FKBP4: variants seen among roughly 807,000 people sequenced by gnomAD.
FKBP4 encodes the protein peptidyl-prolyl cis-trans isomerase FKBP4.
In FKBP4, 28 loss-of-function variants were observed where a neutral mutation model predicts 54.1. That is an observed-to-expected ratio of 0.52 (90% confidence interval 0.38 to 0.71). The LOEUF is 0.71. Ranked by LOEUF, FKBP4 falls within the 30% of genes least tolerant of loss-of-function variation. FKBP4 has a pLI of 0.00. For synonymous variants in FKBP4, 223 were observed against 216.1 expected (o/e 1.03, Z -0.28); for missense variants, 493 against 574.4 (o/e 0.86, Z 1.45).
chr12:2,803,015 A>G, intron 9 of FKBP4, 136 bp from the exon 10 acceptor site: 1 of 634,862 alleles, frequency 1.6e-6, no homozygotes, highest in Non-Finnish European at 2.8e-6. Flanking sequence ...GGCATAAGCC[A>G]CCAGGCTTGG....
At position 2,805,088 on chromosome 12, in the gene FKBP4, C is replaced by G; in HGVS notation, c.*1830C>G. 2.2e-6 allele frequency: 1 copy of G among 449,940 alleles called. No homozygotes were observed. The highest frequency in any genetic ancestry group is 4.5e-6 in the Non-Finnish European group (1 of 223,892). 27.9% of individuals were successfully genotyped at this position (449,940 alleles called of 1,614,324 possible). Reference sequence around the variant, plus strand: ...TTTATGGAGTAAGCCTAGCACTGTACTGACAGCATCACATGAGTGAAACTG... The same window carrying G: ...TTTATGGAGTAAGCCTAGCACTGTAGTGACAGCATCACATGAGTGAAACTG... On this transcript the variant is annotated 3_prime_UTR_variant, in exon 10 of 10. Transcript: ENST00000001008.
At chr12:2,796,269 T>A in intron 1 of FKBP4, 1 of 1,289,252 alleles carries the variant, frequency 7.8e-7, no homozygotes, top group Non-Finnish European at 1.0e-6. Context: ...CACCAGATTA[T>A]TGGGGACCTC....
chr12:2,801,460 G>C (rs1196774515), intron 9 of FKBP4, 104 bp downstream of exon 9: 2 of 1,535,378 alleles, frequency 1.3e-6, no homozygotes, highest in Non-Finnish European at 1.8e-6. Context: ...CCGGAAACCA[G>C]AAGTTGCCTT....
In FKBP4 at chr12:2,804,912, CTT is replaced by C. The variant is rs1565399507; in HGVS notation, c.*1659_*1660del. The C allele has an allele frequency of 9.0e-6, 2 of 222,344 alleles. No individual in the cohort carries two copies. Among genetic ancestry groups the C allele is most frequent in the Admixed American group, 5.9e-5 (1 of 17,016 alleles). The allele number at this position is 222,344 out of a possible 1,614,324, so 13.8% of individuals were successfully genotyped here. A position where few individuals can be genotyped will look rare whatever the true frequency, so the allele number is the denominator to read the frequency against. On this transcript the variant is annotated 3_prime_UTR_variant, in exon 10 of 10. Coordinates refer to ENST00000001008, the MANE Select transcript of FKBP4 (RefSeq NM_002014.4). The stretch of plus-strand genomic sequence containing the variant: ...CCTGGGCAAGAGAGTGAGACCATCT[CTT>C]TTTTAAAAAAGTCCCTGTGTAACTG...
Position 2,795,874 on chromosome 12 carries a change from C to T in FKBP4, c.105+630C>T. The T allele has an allele frequency of 1.2e-6, 1 of 866,244 alleles. No individual in the cohort carries two copies. The highest frequency in any genetic ancestry group is 1.4e-6 in the Non-Finnish European group (1 of 719,806). 53.7% of individuals were successfully genotyped at this position (866,244 alleles called of 1,614,324 possible). On this transcript the variant is annotated intron_variant, in intron 1 of 9. Coordinates refer to ENST00000001008, the MANE Select transcript of FKBP4 (RefSeq NM_002014.4). The surrounding 1 kb of genome is among the most constrained non-coding windows in gnomAD (Gnocchi z 4.3). ...GAGGTCCCCACTCGCCGCGCGGCGC[C>T]CCCTCCCTCGGCCCCGGGGAGGCCG...
intron 4 of FKBP4, 84 bp from the exon 5 acceptor site, chr12:2,799,004 G>C (rs2097903360): frequency 6.9e-7 from 1 of 1,449,364 alleles, no homozygotes; most frequent in African/African-American, 1.4e-5. Context: ...GGGATGATGG[G>C]GGTGATGCAG....
Position 2,799,224 on chromosome 12 carries a change from C to T in FKBP4, c.651C>T (p.Ser217=), listed in dbSNP as rs1469525139. Residue 217 remains serine, a synonymous_variant, in exon 5 of 10, where the codon TCC becomes TCT. Transcript: ENST00000001008. The part of the protein sequence containing the change: ...AIQRMEKGEH[S]IVYLKPSYAF... ...AGCGCATGGAGAAAGGAGAACATTC[C>T]ATCGTGTACCTCAAGCCCAGGTGAG... The T allele has an allele frequency of 6.5e-7, 1 of 1,532,540 alleles. No individual in the cohort carries two copies. The highest frequency in any genetic ancestry group is 1.4e-5 in the African/African-American group (1 of 72,190). The allele number at this position is 1,532,540 out of a possible 1,614,324, so 94.9% of individuals were successfully genotyped here.
At position 2,795,615 on chromosome 12, in the gene FKBP4, G is replaced by A. The variant is rs1343629634; in HGVS notation, c.105+371G>A. The stretch of plus-strand genomic sequence containing the variant: ...GCACCCGAGCCGCAGCCCGGGGCCA[G>A]GCCGGGCCTCCCACGCCACGCCGCC... On this transcript the variant is annotated intron_variant, in intron 1 of 9. Coordinates refer to ENST00000001008, the MANE Select transcript of FKBP4 (RefSeq NM_002014.4). The surrounding 1 kb of genome is among the most constrained non-coding windows in gnomAD (Gnocchi z 4.3). The A allele has an allele frequency of 6.8e-6, 1 of 147,668 alleles. No homozygotes were observed. The highest frequency in any genetic ancestry group is 2.4e-5 in the African/African-American group (1 of 40,856). 9.1% of individuals were successfully genotyped at this position (147,668 alleles called of 1,614,324 possible). A position where few individuals can be genotyped will look rare whatever the true frequency, so the allele number is the denominator to read the frequency against.
chr12:2,801,944 C>A, intron 9 of FKBP4: 1 of 141,266 alleles, frequency 7.1e-6, no homozygotes, highest in South Asian at 1.7e-4. Flanking sequence ...CCTCCCTTTC[C>A]CCTAACACAG....
At chr12:2,801,091 T>C in intron 8 of FKBP4, 26 bp from the exon 9 acceptor site, 2 of 1,611,720 alleles carry the variant, frequency 1.2e-6, no homozygotes, top group Non-Finnish European at 1.7e-6. Flanking sequence ...GCTCCCACAA[T>C]GTGGCTTCCT....
chr12:2,803,094 A>G (rs2097905736), intron 9 of FKBP4, 57 bp from the exon 10 acceptor site: 2 of 1,206,358 alleles, frequency 1.7e-6, no homozygotes, highest in Non-Finnish European at 2.4e-6. Flanking sequence ...GCTGGAAATT[A>G]AGTGTGTGTT....
intron 4 of FKBP4, 52 bp from the exon 5 acceptor site, chr12:2,799,036 T>C: frequency 6.6e-7 from 1 of 1,516,608 alleles, no homozygotes; most frequent in South Asian, 1.3e-5. Flanking sequence ...GCATCCTTCC[T>C]CAGTCACCTG....
chr12:2,796,277 C>T (rs1193391685), intron 1 of FKBP4: 4 of 1,289,120 alleles, frequency 3.1e-6, no homozygotes, highest in Middle Eastern at 2.1e-4. Context: ...TATTGGGGAC[C>T]TCAAGCGTCT....
Position 2,800,059 on chromosome 12 carries a change from G to A in FKBP4, c.783G>A (p.Met261Ile), listed in dbSNP as rs1411950939. The change falls in exon 7 of 10, where the codon ATG becomes ATA. Residue 261 changes from methionine to isoleucine, a missense_variant. By Grantham distance (10) the Met-to-Ile change is conservative (BLOSUM62 1). Coordinates refer to ENST00000001008, the MANE Select transcript of FKBP4 (RefSeq NM_002014.4). Reference protein sequence around the residue: ...SFEKAKESWEMNSEEKLEQST... With the variant: ...SFEKAKESWEINSEEKLEQST... ...GGCAGGCCAAGGAGTCTTGGGAGAT[G>A]AATTCAGAAGAGAAGCTGGAACAGA... is the stretch of plus-strand genomic sequence containing the variant. The A allele has an allele frequency of 6.2e-7, 1 of 1,614,160 alleles. No homozygotes were observed. Among genetic ancestry groups the A allele is most frequent in the South Asian group, 1.1e-5 (1 of 91,072 alleles).
At position 2,794,986 on chromosome 12, in the gene FKBP4, C is replaced by T. The variant is rs1420658841; in HGVS notation, c.-154C>T. On this transcript the variant is annotated 5_prime_UTR_variant, in exon 1 of 10. Coordinates refer to ENST00000001008, the MANE Select transcript of FKBP4 (RefSeq NM_002014.4). ...CCTGACCCACCTACCCCAGCTCTCG[C>T]GCCGCGTGCAGAGGTGCTCAAGCCT... The T allele has an allele frequency of 2.9e-5, 10 of 347,594 alleles. No homozygotes were observed. Among genetic ancestry groups the T allele is most frequent in the Admixed American group, 1.5e-4 (3 of 20,244 alleles). The allele number at this position is 347,594 out of a possible 1,614,324, so 21.5% of individuals were successfully genotyped here. A position where few individuals can be genotyped will look rare whatever the true frequency, so the allele number is the denominator to read the frequency against.
rs1392403793 is a variant in FKBP4, at chr12:2,798,382, C to G, written c.394-324C>G. On this transcript the variant is annotated intron_variant, in intron 3 of 9. Transcript: ENST00000001008. This position sits in a 1 kb window ranked among gnomAD's most constrained non-coding sequence, Gnocchi z 4.3. ...GATGTTGGGTAATCATTTCTAATAC[C>G]TACCAGGTTGGGCTTATCAGGTAGT... 1.3e-5 allele frequency among the ~76,000 whole-genome samples: 2 copies of G among 152,186 alleles called. No individual in the cohort carries two copies. The highest frequency in any genetic ancestry group is 1.3e-4 in the Admixed American group (2 of 15,282).
intron 9 of FKBP4, among the ~76,000 whole-genome samples, chr12:2,802,521 A>G (rs1389101229): frequency 6.6e-6 from 1 of 152,220 alleles, no homozygotes; most frequent in East Asian, 1.9e-4. Flanking sequence ...TAACCATGTT[A>G]AAAAGGTGAA....
At position 2,797,181 on chromosome 12, in the gene FKBP4, G is replaced by A; in HGVS notation, c.149G>A (p.Gly50Glu). The change falls in exon 2 of 10, where the codon GGG (glycine) becomes GAG (glutamate). Residue 50 changes from glycine (G) to glutamate (E), a missense_variant. Gly to Glu is a moderately conservative substitution (Grantham distance 98). Transcript: ENST00000001008. ...EGTGTEMPMI[G>E]DRVFVHYTGW... is the part of the protein sequence containing the mutation. ...ACAGGTACAGAGATGCCCATGATTG[G>A]GGACCGAGTCTTTGTCCACTACACT... 6.2e-7 allele frequency: 1 copy of A among 1,613,466 alleles called. No homozygotes were observed. The highest frequency in any genetic ancestry group is 8.5e-7 in the Non-Finnish European group (1 of 1,179,858).
In FKBP4 at chr12:2,799,263, G is replaced by A. The variant is rs748176412; in HGVS notation, c.671+19G>A. The A allele has an allele frequency of 1.2e-5, 18 of 1,473,028 alleles. No homozygotes were observed. The highest frequency in any genetic ancestry group is 7.7e-5 in the Admixed American group (3 of 38,864). 91.2% of individuals were successfully genotyped at this position (1,473,028 alleles called of 1,614,324 possible). On this transcript the variant is annotated intron_variant, in intron 5 of 9. Transcript: ENST00000001008. The stretch of plus-strand genomic sequence containing the variant: ...AGCCCAGGTGAGGGGTGGGCACTTC[G>A]TAGGGTAGGCAGGCAGGCAAACCAA...
Sources: gnomAD v4.1 joint callset for allele counts (sites outside exome capture counted in the v4.1 genomes callset) on GRCh38, gnomAD v4.1.1 for gene constraint, Gnocchi (gnomAD v3.1) non-coding constraint, MANE v1.5 for transcripts, NCBI Gene and HGNC (gene_info 2026-07-23, HGNC 2026-07-21) for gene names.